Variants in OTUD7A observed in about 807,000 individuals in gnomAD.
OTUD7A encodes OTU deubiquitinase 7A, also known as OTU domain-containing protein 7A.
A neutral mutation model predicts 65.7 loss-of-function variants in OTUD7A; 12 were observed. The observed-to-expected ratio is 0.18, with a 90% CI of 0.12 to 0.30. The LOEUF (loss-of-function observed/expected upper bound fraction) is 0.30, where lower values mean the gene tolerates loss of function less well. OTUD7A is among the 10% of genes least tolerant of loss of function. The pLI is 1.00. For missense variants in OTUD7A, 1,148 were observed against 1,304.8 expected (o/e 0.88, Z 1.85); for synonymous variants, 641 against 586.3 (o/e 1.09, Z -1.35).
intron 1 of OTUD7A, among the ~76,000 whole-genome samples, chr15:31,864,308 A>C (rs1897821196): frequency 6.6e-6 from 1 of 151,914 alleles, no homozygotes; most frequent in Admixed American, 6.6e-5. Flanking sequence ...GCAATGCCCC[A>C]CTCTACTGGT....
At chr15:31,754,699 T>C (rs1374791567) in intron 1 of OTUD7A, among the ~76,000 whole-genome samples, 1 of 152,170 alleles carries the variant, frequency 6.6e-6, no homozygotes, top group East Asian at 1.9e-4. Context: ...TTCTCTATTC[T>C]GTTCCATTGG....
intron 3 of OTUD7A, among the ~76,000 whole-genome samples, chr15:31,575,779 A>T (rs35176167): frequency 0.23 from 35,121 of 152,032 alleles, 4,377 homozygotes; most frequent in African/African-American, 0.32. Context: ...CCCTCCAAAC[A>T]CGGGGCCCAG....
At chr15:31,870,221 C>T (rs1045220418) in intron 1 of OTUD7A, among the ~76,000 whole-genome samples, 2 of 148,694 alleles carry the variant, frequency 1.3e-5, no homozygotes, top group Non-Finnish European at 3.0e-5. Flanking sequence ...GCGCCGCGCC[C>T]TGCCCGAGAG....
intron 1 of OTUD7A, among the ~76,000 whole-genome samples, chr15:31,660,257 C>T (rs1290384425): frequency 6.6e-6 from 1 of 152,192 alleles, no homozygotes; most frequent in Non-Finnish European, 1.5e-5. Flanking sequence ...CCTGGGCTCC[C>T]GTGGTGAAAT....
chr15:31,743,099 T>A (rs1051234203), intron 1 of OTUD7A, among the ~76,000 whole-genome samples: 1 of 152,022 alleles, frequency 6.6e-6, no homozygotes, highest in Non-Finnish European at 1.5e-5. Flanking sequence ...TCAACAAATA[T>A]AACCTAATTG....
intron 5 of OTUD7A, among the ~76,000 whole-genome samples, chr15:31,540,332 G>C (rs556501014): frequency 3.8e-4 from 58 of 152,294 alleles, no homozygotes; most frequent in African/African-American, 1.1e-3. Context: ...GTGCAATAAA[G>C]ACCAACTGAT....
Position 31,583,194 on chromosome 15 carries a change from A to C in OTUD7A, c.152-12997T>G, listed in dbSNP as rs567984628. Among the ~76,000 whole-genome samples, 12 of 152,320 alleles carry C rather than the reference A, an allele frequency of 7.9e-5. No homozygotes were observed. In the South Asian group the frequency reaches 2.5e-3, roughly 32 times the overall value. Reference sequence around the variant, plus strand: ...GCAGCACTGCAGGAGAGAAGCTTGCAGGACTTTTCCCAGAACTCTCTTTCT... The same window carrying C: ...GCAGCACTGCAGGAGAGAAGCTTGCCGGACTTTTCCCAGAACTCTCTTTCT... On this transcript the variant is annotated intron_variant, in intron 3 of 12. Coordinates refer to ENST00000307050, the MANE Select transcript of OTUD7A (RefSeq NM_001382637.1).
intron 1 of OTUD7A, among the ~76,000 whole-genome samples, chr15:31,763,692 A>G (rs1056957408): frequency 2.0e-5 from 3 of 152,148 alleles, no homozygotes; most frequent in African/African-American, 7.2e-5. Context: ...CACTCAGGGA[A>G]CCCCAAGCAA....
At chr15:31,841,773 T>C (rs1002274774) in intron 1 of OTUD7A, among the ~76,000 whole-genome samples, 1 of 152,170 alleles carries the variant, frequency 6.6e-6, no homozygotes, top group Non-Finnish European at 1.5e-5. Flanking sequence ...TCATGTACTC[T>C]ACCTGGAAAC....
chr15:31,719,937 G>A (rs1893689007), intron 1 of OTUD7A, among the ~76,000 whole-genome samples: 2 of 152,036 alleles, frequency 1.3e-5, no homozygotes, highest in Admixed American at 6.6e-5. Flanking sequence ...TCCCCGTCTG[G>A]GGATAGCCCA....
intron 1 of OTUD7A, among the ~76,000 whole-genome samples, chr15:31,751,333 C>T (rs1894629468): frequency 6.6e-6 from 1 of 152,152 alleles, no homozygotes; most frequent in Non-Finnish European, 1.5e-5. Context: ...CATCACTAAT[C>T]ATCAGAGAAA....
At chr15:31,760,701 A>G (rs1894937303) in intron 1 of OTUD7A, among the ~76,000 whole-genome samples, 1 of 152,222 alleles carries the variant, frequency 6.6e-6, no homozygotes, top group Non-Finnish European at 1.5e-5. Context: ...GAAATTGACA[A>G]GCTGACCCTA....
intron 3 of OTUD7A, among the ~76,000 whole-genome samples, chr15:31,622,091 C>T (rs1187391159): frequency 6.6e-6 from 1 of 152,118 alleles, no homozygotes; most frequent in East Asian, 1.9e-4. Flanking sequence ...GAATATTGGC[C>T]CCCACTCTCT....
At chr15:31,679,465 G>A (rs1300353198) in intron 1 of OTUD7A, among the ~76,000 whole-genome samples, 2 of 152,306 alleles carry the variant, frequency 1.3e-5, no homozygotes, top group East Asian at 1.9e-4. Flanking sequence ...TGTGTCAAGG[G>A]TGGGACCAGG....
intron 1 of OTUD7A, among the ~76,000 whole-genome samples, chr15:31,847,383 T>A (rs1270018930): frequency 1.3e-5 from 2 of 152,144 alleles, no homozygotes; most frequent in Non-Finnish European, 1.5e-5. Flanking sequence ...GCCGCTCTCC[T>A]CCACTAAGGA....
chr15:31,563,830 G>C (rs1888773913), intron 4 of OTUD7A, among the ~76,000 whole-genome samples: 1 of 152,196 alleles, frequency 6.6e-6, no homozygotes, highest in African/African-American at 2.4e-5. Flanking sequence ...GGAACTTCTA[G>C]AGCCCAAATG....
At chr15:31,654,866 C>T (rs1012647214) in intron 3 of OTUD7A, among the ~76,000 whole-genome samples, 1 of 152,148 alleles carries the variant, frequency 6.6e-6, no homozygotes, top group Non-Finnish European at 1.5e-5. Flanking sequence ...GAAACTAAGG[C>T]CTACCACAAA....
chr15:31,870,023 A>G (rs1186344015), intron 1 of OTUD7A, among the ~76,000 whole-genome samples: 2 of 151,302 alleles, frequency 1.3e-5, no homozygotes, highest in African/African-American at 4.8e-5. Context: ...ACGCAGTCAC[A>G]GCTCCGGTGC....
intron 3 of OTUD7A, among the ~76,000 whole-genome samples, chr15:31,602,807 A>G (rs1409167282): frequency 1.6e-5 from 2 of 127,880 alleles, no homozygotes; most frequent in East Asian, 4.3e-4. Context: ...CTATACACCA[A>G]TAATAGCCAA....
Sources: allele counts gnomAD v4.1 joint callset (sites outside exome capture counted in the v4.1 genomes callset), GRCh38; gene constraint gnomAD v4.1.1; transcripts MANE v1.5; gene names NCBI Gene and HGNC (gene_info 2026-07-23, HGNC 2026-07-21).